Variants in RPTOR observed in about 807,000 individuals in gnomAD.
RPTOR encodes the protein regulatory associated protein of MTOR complex 1.
A neutral mutation model predicts 169.9 loss-of-function variants in RPTOR; 21 were observed. That is an observed-to-expected ratio of 0.12 (90% CI 0.09 to 0.18). RPTOR has a LOEUF of 0.18. Ranked by LOEUF, RPTOR falls within the 10% of genes least tolerant of loss-of-function variation. The pLI is 1.00. For missense variants in RPTOR, 1,133 were observed against 1,855.9 expected, an observed-to-expected ratio of 0.61 and a Z score of 7.16; for synonymous variants, 732 against 753.2, an observed-to-expected ratio of 0.97 and a Z score of 0.46.
chr17:80,754,268 T>A lies in RPTOR; in HGVS notation c.830+83T>A, dbSNP rs1424434781. 7.2e-7 allele frequency: 1 copy of A among 1,390,056 alleles called. No homozygotes were observed. Among genetic ancestry groups the A allele is most frequent in the East Asian group, 2.3e-5 (1 of 43,034 alleles). The allele number at this position is 1,390,056 out of a possible 1,614,324, so 86.1% of individuals were successfully genotyped here. ...CCCAACCCATGTGGGCCCCAGGCAT[T>A]CACCTGGTCCCAGGAGCCCACGTGA... is the stretch of plus-strand genomic sequence containing the variant. On this transcript the variant is annotated intron_variant, in intron 6 of 33. Transcript: ENST00000306801. This position sits in a 1 kb window ranked among gnomAD's most constrained non-coding sequence, Gnocchi z 4.2.
rs2084285974 is a variant in RPTOR, at chr17:80,547,094, CT to C, written c.162+1304del. On this transcript the variant is annotated intron_variant, in intron 1 of 33. Transcript: ENST00000306801. ...AAAAATAAATAAATAAATAAAACTT[CT>C]GGTAACTCTAGTCAGTCAGTCAGTA... Among the ~76,000 whole-genome samples the C allele has an allele frequency of 2.6e-5, 4 of 152,224 alleles. No individual in the cohort carries two copies. In the South Asian group the frequency reaches 8.3e-4, roughly 32 times the overall value.
intron 29 of RPTOR, among the ~76,000 whole-genome samples, chr17:80,958,293 A>G (rs374279346): frequency 2.6e-4 from 38 of 147,396 alleles, no homozygotes; most frequent in South Asian, 6.5e-4. Flanking sequence ...GGGTCTCAGT[A>G]TTTGCCCAAG....
chr17:80,632,424 C>A (rs975291237), intron 2 of RPTOR, among the ~76,000 whole-genome samples: 1 of 152,130 alleles, frequency 6.6e-6, no homozygotes, highest in Admixed American at 6.5e-5. Context: ...TTTATCAGAG[C>A]TCACCGCCCT....
At chr17:80,717,771 C>G (rs2066251875) in intron 4 of RPTOR, among the ~76,000 whole-genome samples, 1 of 152,176 alleles carries the variant, frequency 6.6e-6, no homozygotes, top group South Asian at 2.1e-4. Flanking sequence ...TGGTTGTTTT[C>G]TCAGCCTCAG....
intron 2 of RPTOR, among the ~76,000 whole-genome samples, chr17:80,639,777 A>G (rs1317034387): frequency 6.6e-6 from 1 of 152,196 alleles, no homozygotes; most frequent in Non-Finnish European, 1.5e-5. Context: ...GATTGGGTGA[A>G]CATGTTAGCA....
At chr17:80,781,691 A>G (rs2066943754) in intron 6 of RPTOR, among the ~76,000 whole-genome samples, 1 of 152,214 alleles carries the variant, frequency 6.6e-6, no homozygotes, top group African/African-American at 2.4e-5. Flanking sequence ...CCATTTGACT[A>G]AATTTCGATC....
At chr17:80,804,925 T>A (rs1364471873) in intron 7 of RPTOR, 3 of 152,322 alleles carry the variant, frequency 2.0e-5, no homozygotes, top group Admixed American at 2.0e-4. Flanking sequence ...CCGGTTATTT[T>A]GACCCAAGCC....
At chr17:80,891,381 G>A (rs752819857) in intron 17 of RPTOR, among the ~76,000 whole-genome samples, 56 of 152,232 alleles carry the variant, frequency 3.7e-4, no homozygotes, top group Non-Finnish European at 7.3e-4. Flanking sequence ...CACCGTAAGC[G>A]AGAGGCTGTG....
At chr17:80,611,547 G>A (rs914871162) in intron 1 of RPTOR, among the ~76,000 whole-genome samples, 3 of 152,092 alleles carry the variant, frequency 2.0e-5, no homozygotes, top group African/African-American at 4.8e-5. Context: ...GGTTACAGGC[G>A]TGAGCAGGAG....
chr17:80,857,722 T>C (rs112384134), intron 12 of RPTOR, 68 bp from the exon 13 acceptor site: 25,632 of 1,088,038 alleles, frequency 0.024, 402 homozygotes, highest in South Asian at 0.04. Context: ...TGGTCCCGCG[T>C]GGCACCCCTG....
At chr17:80,700,965 A>G (rs940688088) in intron 3 of RPTOR, among the ~76,000 whole-genome samples, 12 of 152,026 alleles carry the variant, frequency 7.9e-5, no homozygotes, top group Non-Finnish European at 1.3e-4. Context: ...GGATGCAATG[A>G]TTGATGACAT....
chr17:80,643,311 C>A (rs2065567996), intron 2 of RPTOR, among the ~76,000 whole-genome samples: 1 of 152,174 alleles, frequency 6.6e-6, no homozygotes, highest in Non-Finnish European at 1.5e-5. Context: ...AGTATCACTT[C>A]TTTGTCTTTT....
chr17:80,753,632 CAAAAAAAA>C (rs35693819), intron 5 of RPTOR, among the ~76,000 whole-genome samples: 2 of 94,954 alleles, frequency 2.1e-5, no homozygotes, highest in African/African-American at 4.5e-5. Flanking sequence ...AACTCCGTCT[CAAAAAAAA>C]AAAAAAAAAA....
rs375827007 is a variant in RPTOR at position 80,940,479 on chromosome 17, G to A, written c.2920-17G>A. 30 of 1,608,334 alleles carry A rather than the reference G, an allele frequency of 1.9e-5. No homozygotes were observed. The highest frequency in any genetic ancestry group is 2.4e-5 in the Non-Finnish European group (28 of 1,176,246). ...GTTTCATCGCTGGGCTTAACTGGGT[G>A]TTTTCTGTTGTTGAAGATCCCAGAA... On this transcript the variant is annotated splice_polypyrimidine_tract_variant and intron_variant, in intron 24 of 33. Coordinates refer to ENST00000306801, the MANE Select transcript of RPTOR (RefSeq NM_020761.3).
chr17:80,603,530 C>G (rs1202284405), intron 1 of RPTOR, among the ~76,000 whole-genome samples: 1 of 152,070 alleles, frequency 6.6e-6, no homozygotes, highest in Non-Finnish European at 1.5e-5. Flanking sequence ...GGGTGGAGTC[C>G]CCAAGACCAC....
Position 80,695,700 on chromosome 17 carries a change from GTATT to G in RPTOR, c.349-12137_349-12134del, listed in dbSNP as rs1212328231. Among the ~76,000 whole-genome samples, 2 of 152,190 alleles carry G rather than the reference GTATT, an allele frequency of 1.3e-5. No homozygotes were observed. The highest frequency in any genetic ancestry group is 4.8e-5 in the African/African-American group (2 of 41,426). On this transcript the variant is annotated intron_variant, in intron 3 of 33. Transcript: ENST00000306801. This position sits in a 1 kb window ranked among gnomAD's most constrained non-coding sequence, Gnocchi z 4.9. The stretch of plus-strand genomic sequence containing the variant: ...GAGCCAGTGGAGTGGTGTGACTTTT[GTATT>G]TATAGACTTCTTCCAAAGGTCACCT...
intron 2 of RPTOR, among the ~76,000 whole-genome samples, chr17:80,632,579 G>A (rs184284762): frequency 4.3e-4 from 65 of 152,256 alleles, no homozygotes; most frequent in Admixed American, 3.9e-4. Flanking sequence ...TAGGAATATC[G>A]TCTACTTTCT....
At chr17:80,800,417 G>A (rs898369232) in intron 7 of RPTOR, among the ~76,000 whole-genome samples, 2 of 152,136 alleles carry the variant, frequency 1.3e-5, no homozygotes, top group African/African-American at 2.4e-5. Context: ...TTGTCAGATG[G>A]GCAAAACACG....
chr17:80,962,845 G>A lies in RPTOR; in HGVS notation c.3810-83G>A, dbSNP rs1199767262. 1.9e-6 allele frequency: 3 copies of A among 1,586,772 alleles called. No homozygotes were observed. In the African/African-American group the frequency reaches 4.0e-5, roughly 21 times the overall value. ...CCTGTCCCCGTGGTCTAGCCGGCCT[G>A]TCCCCGCGGTCTCGGCATCTGCGCC... On this transcript the variant is annotated intron_variant, in intron 32 of 33. Transcript: ENST00000306801.
Sources: allele counts gnomAD v4.1 joint callset (sites outside exome capture counted in the v4.1 genomes callset), GRCh38; gene constraint gnomAD v4.1.1; non-coding constraint Gnocchi (gnomAD v3.1); transcripts MANE v1.5; gene names NCBI Gene and HGNC (gene_info 2026-07-23, HGNC 2026-07-21).